Variants in CDIN1 observed in about 807,000 individuals in gnomAD.
CDIN1 encodes the protein CDAN1 interacting nuclease 1, also known as CDAN1-interacting nuclease 1.
A neutral mutation model predicts 45.3 loss-of-function variants in CDIN1; 33 were observed. The observed-to-expected ratio is 0.73, with a 90% CI of 0.55 to 0.97. The LOEUF (loss-of-function observed/expected upper bound fraction) is 0.97, where lower values mean the gene tolerates loss of function less well. Among genes scored for constraint, CDIN1 ranks in the 50% least tolerant of loss-of-function variants. The pLI is 0.00. For synonymous variants in CDIN1, 118 were observed against 124.4 expected (o/e 0.95, Z 0.34); for missense variants, 303 against 339.4 (o/e 0.89, Z 0.84).
At chr15:36,765,072 T>TTTTTTG (rs1195315019) in intron 10 of CDIN1, among the ~76,000 whole-genome samples, 1 of 150,516 alleles carries the variant, frequency 6.6e-6, no homozygotes, top group African/African-American at 2.4e-5. Flanking sequence ...TTTTTTTTTT[T>TTTTTTG]TTAGATGGAG....
intron 8 of CDIN1, among the ~76,000 whole-genome samples, chr15:36,698,351 A>G (rs2042511732): frequency 6.6e-6 from 1 of 152,232 alleles, no homozygotes; most frequent in Admixed American, 6.5e-5. Flanking sequence ...AAGCTTGGAG[A>G]TATCATAAAT....
At chr15:36,642,651 A>G (rs2040157521) in intron 1 of CDIN1, among the ~76,000 whole-genome samples, 1 of 152,148 alleles carries the variant, frequency 6.6e-6, no homozygotes, top group African/African-American at 2.4e-5. Context: ...TTATTCTTGA[A>G]CTTATTTCTC....
intron 8 of CDIN1, among the ~76,000 whole-genome samples, chr15:36,700,588 A>G: frequency 6.6e-6 from 1 of 151,348 alleles, no homozygotes; most frequent in East Asian, 1.9e-4. Flanking sequence ...TTCCTGCCAC[A>G]GTATATATCT....
chr15:36,633,404 C>A (rs2039761360), intron 1 of CDIN1, among the ~76,000 whole-genome samples: 1 of 152,102 alleles, frequency 6.6e-6, no homozygotes, highest in Non-Finnish European at 1.5e-5. Context: ...ATTTCTTTTA[C>A]CACATCCATA....
intron 8 of CDIN1, 139 bp downstream of exon 8, chr15:36,697,529 C>G: frequency 1.5e-6 from 1 of 670,360 alleles, no homozygotes. Flanking sequence ...TGGAACTGAG[C>G]AGGAACTCAG....
chr15:36,755,367 C>A (rs976417344), intron 10 of CDIN1, among the ~76,000 whole-genome samples: 1 of 152,134 alleles, frequency 6.6e-6, no homozygotes, highest in Non-Finnish European at 1.5e-5. Flanking sequence ...CAATTAATCT[C>A]ATTTTAGTAC....
chr15:36,675,689 T>C (rs77668785), intron 5 of CDIN1, among the ~76,000 whole-genome samples: 2 of 152,180 alleles, frequency 1.3e-5, no homozygotes, highest in African/African-American at 4.8e-5. Flanking sequence ...TTTAATGATA[T>C]ACGGATTTTA....
intron 10 of CDIN1, among the ~76,000 whole-genome samples, chr15:36,780,447 C>T (rs2054321613): frequency 6.6e-6 from 1 of 152,082 alleles, no homozygotes; most frequent in Non-Finnish European, 1.5e-5. Context: ...TGAATTAACT[C>T]GTATAGATAG....
intron 1 of CDIN1, among the ~76,000 whole-genome samples, chr15:36,606,880 G>A (rs1052044784): frequency 6.6e-6 from 1 of 152,036 alleles, no homozygotes; most frequent in Non-Finnish European, 1.5e-5. Context: ...ATTAGGGGGT[G>A]GTTAATTTAC....
intron 1 of CDIN1, among the ~76,000 whole-genome samples, chr15:36,626,458 A>G (rs1008718112): frequency 2.6e-5 from 4 of 152,166 alleles, no homozygotes; most frequent in African/African-American, 9.6e-5. Flanking sequence ...GACGAGTTCC[A>G]CAATCATTGC....
At chr15:36,657,055 A>C (rs2040811325) in intron 4 of CDIN1, among the ~76,000 whole-genome samples, 1 of 152,174 alleles carries the variant, frequency 6.6e-6, no homozygotes, top group Admixed American at 6.5e-5. Flanking sequence ...CCCAAAGAAG[A>C]CAATATCTTT....
At chr15:36,800,927 A>G (rs1050441739) in intron 10 of CDIN1, among the ~76,000 whole-genome samples, 10 of 105,020 alleles carry the variant, frequency 9.5e-5, no homozygotes, top group East Asian at 7.6e-4. Context: ...ATATATATAT[A>G]TATATATATA....
chr15:36,764,320 C>G (rs1163938787), intron 10 of CDIN1, among the ~76,000 whole-genome samples: 8 of 143,348 alleles, frequency 5.6e-5, no homozygotes, highest in Non-Finnish European at 4.5e-5. Context: ...AGAGATAATT[C>G]TGTTTTTACT....
chr15:36,693,821 A>G (rs1259280920), intron 7 of CDIN1, among the ~76,000 whole-genome samples: 1 of 152,190 alleles, frequency 6.6e-6, no homozygotes, highest in Non-Finnish European at 1.5e-5. Context: ...TATTATAGAC[A>G]AAGTCTAAGT....
chr15:36,747,954 T>C (rs1305727572), intron 10 of CDIN1, among the ~76,000 whole-genome samples: 2 of 152,256 alleles, frequency 1.3e-5, no homozygotes, highest in Non-Finnish European at 2.9e-5. Context: ...TTTTAAAAAT[T>C]TAACCATGAA....
chr15:36,802,677 TA>T (rs764941729), intron 10 of CDIN1, among the ~76,000 whole-genome samples: 15 of 151,130 alleles, frequency 9.9e-5, no homozygotes, highest in Non-Finnish European at 1.8e-4. Flanking sequence ...TTTTATACTT[TA>T]AAAAAAAAGA....
chr15:36,717,862 C>T (rs1447718787), intron 10 of CDIN1, among the ~76,000 whole-genome samples: 1 of 152,092 alleles, frequency 6.6e-6, no homozygotes. Flanking sequence ...CTTTTTAACT[C>T]AAGGCTTCCT....
intron 10 of CDIN1, among the ~76,000 whole-genome samples, chr15:36,742,473 G>A (rs763800317): frequency 6.6e-6 from 1 of 152,120 alleles, no homozygotes; most frequent in South Asian, 2.1e-4. Flanking sequence ...GATGGCCAAC[G>A]AAGAAGGCAA....
chr15:36,644,989 A>G (rs1949163789), intron 2 of CDIN1, among the ~76,000 whole-genome samples: 1 of 152,210 alleles, frequency 6.6e-6, no homozygotes, highest in Non-Finnish European at 1.5e-5. Flanking sequence ...TTTTACATAT[A>G]TACCGTACCT....
Sources: allele counts gnomAD v4.1 joint callset (sites outside exome capture counted in the v4.1 genomes callset), GRCh38; gene constraint gnomAD v4.1.1; transcripts MANE v1.5; gene names NCBI Gene and HGNC (gene_info 2026-07-23, HGNC 2026-07-21).